TMCO1: variants seen among roughly 807,000 people sequenced by gnomAD.
TMCO1 encodes transmembrane and coiled-coil domains 1.
A neutral mutation model predicts 29.3 loss-of-function variants in TMCO1; 29 were observed. The ratio of observed to expected loss-of-function variants is 0.99; its 90% CI spans 0.74 to 1.35. The LOEUF (loss-of-function observed/expected upper bound fraction) is 1.35, where lower values mean the gene tolerates loss of function less well. Among genes scored for constraint, TMCO1 ranks in the 40% most tolerant of loss-of-function variants. The pLI, the probability that TMCO1 is intolerant of heterozygous loss-of-function variation, is 0.00. For missense variants in TMCO1, 173 were observed against 225.5 expected (o/e 0.77, Z 1.49); for synonymous variants, 80 against 77.1 (o/e 1.04, Z -0.20).
In TMCO1 at chr1:165,727,510, G is replaced by A. The variant is rs762360286; in HGVS notation, c.*513C>T. The A allele has an allele frequency of 4.2e-5, 19 of 452,450 alleles. No homozygotes were observed. The highest frequency in any genetic ancestry group is 2.2e-4 in the South Asian group (14 of 64,366). The allele number at this position is 452,450 out of a possible 1,614,324, so 28.0% of individuals were successfully genotyped here. ...TGCTAAAACTTATATCTAGAAATAC[G>A]GCAAAACAAAATGAAACAGATCTCT... is the stretch of plus-strand genomic sequence containing the variant. On this transcript the variant is annotated 3_prime_UTR_variant, in exon 7 of 7. Transcript: ENST00000367881.
chr1:165,725,473 G>A (rs753382656), downstream of TMCO1: 1 of 454,090 alleles, frequency 2.2e-6, no homozygotes, highest in South Asian at 1.6e-5. Context: ...CAGGTTTACT[G>A]TCATTTTTAA....
chr1:165,736,252 T>C (rs1316101930), intron 6 of TMCO1, among the ~76,000 whole-genome samples: 1 of 152,232 alleles, frequency 6.6e-6, no homozygotes, highest in African/African-American at 2.4e-5. Context: ...TTTGTTATAG[T>C]AGCCCTAATG....
Position 165,731,183 on chromosome 1 carries a change from G to C in TMCO1, c.469-3062C>G, listed in dbSNP as rs543487890. On this transcript the variant is annotated intron_variant, in intron 6 of 6. Transcript: ENST00000367881. ...CAAAGTGCTGGAATTACAGGCATGAGCCACCGTACCTGGCCTGCATTACTT... is the reference window on the plus strand; with the variant it reads ...CAAAGTGCTGGAATTACAGGCATGACCCACCGTACCTGGCCTGCATTACTT... 2.6e-5 allele frequency among the ~76,000 whole-genome samples: 4 copies of C among 152,260 alleles called. No individual in the cohort carries two copies. In the South Asian group the frequency reaches 6.2e-4, roughly 24 times the overall value.
chr1:165,725,008 CTCTCTCTCTCTCTCTCTATA>C (rs1265558614), downstream of TMCO1: 583 of 276,144 alleles, frequency 2.1e-3, 5 homozygotes, highest in African/African-American at 0.02. Context: ...CTCTCTCTCT[CTCTCTCTCTCTCTCTCTATA>C]TATATATATA....
intron 6 of TMCO1, among the ~76,000 whole-genome samples, chr1:165,735,001 G>C (rs939583095): frequency 6.6e-6 from 1 of 152,174 alleles, no homozygotes; most frequent in African/African-American, 2.4e-5. Flanking sequence ...AATTCTGAAA[G>C]ATAAGCACAT....
downstream of TMCO1, chr1:165,725,329 G>A (rs1010753254): frequency 2.9e-5 from 13 of 453,796 alleles, no homozygotes; most frequent in Non-Finnish European, 1.8e-5. Context: ...TTAAGTAACT[G>A]GCCCCATTGG....
intron 6 of TMCO1, among the ~76,000 whole-genome samples, chr1:165,740,294 A>T (rs1204782216): frequency 6.6e-6 from 1 of 151,600 alleles, no homozygotes; most frequent in Non-Finnish European, 1.5e-5. Flanking sequence ...CTCCGCCTCC[A>T]GGTTCACACC....
chr1:165,730,599 G>GT (rs1323221085), intron 6 of TMCO1, among the ~76,000 whole-genome samples: 1 of 152,132 alleles, frequency 6.6e-6, no homozygotes, highest in Non-Finnish European at 1.5e-5. Context: ...ATCAGACTTT[G>GT]TATTTCTTTT....
rs549844361 is a variant in TMCO1, at chr1:165,727,183, T to C, written c.*840A>G. 1.1e-5 allele frequency: 5 copies of C among 453,960 alleles called. No individual in the cohort carries two copies. Among genetic ancestry groups the C allele is most frequent in the African/African-American group, 6.0e-5 (3 of 50,000 alleles). The allele number at this position is 453,960 out of a possible 1,614,324, so 28.1% of individuals were successfully genotyped here. On this transcript the variant is annotated 3_prime_UTR_variant, in exon 7 of 7. Coordinates refer to ENST00000367881, the MANE Select transcript of TMCO1 (RefSeq NM_019026.6). Reference sequence around the variant, plus strand: ...CTGCGAGATTAACAACATATAACTATAACCTTGTCTCCAAGGGAGATCTAA... The same window carrying C: ...CTGCGAGATTAACAACATATAACTACAACCTTGTCTCCAAGGGAGATCTAA...
At chr1:165,726,632 T>A (rs1181498703), downstream of TMCO1, 1 of 455,208 alleles carries the variant, frequency 2.2e-6, no homozygotes, top group South Asian at 1.6e-5. Context: ...CTTGGGATAA[T>A]CCTTAAATTA....
At chr1:165,736,720 CA>C (rs59372599) in intron 6 of TMCO1, among the ~76,000 whole-genome samples, 7 of 122,792 alleles carry the variant, frequency 5.7e-5, no homozygotes, top group East Asian at 2.2e-4. Flanking sequence ...GACTCCATCT[CA>C]AAAAAAAAAA....
rs1291895059 is a variant in TMCO1, at chr1:165,727,998, G to A, written c.*25C>T. 1.9e-6 allele frequency: 3 copies of A among 1,550,068 alleles called. No individual in the cohort carries two copies. Among genetic ancestry groups the A allele is most frequent in the Non-Finnish European group, 2.7e-6 (3 of 1,128,068 alleles). ...TGATGTGTGTGTGTCTAGAAAGAATGATAGAAAATAAAGAGTTCTTGAGTT... is the reference window on the plus strand; with the variant it reads ...TGATGTGTGTGTGTCTAGAAAGAATAATAGAAAATAAAGAGTTCTTGAGTT... On this transcript the variant is annotated 3_prime_UTR_variant, in exon 7 of 7. Transcript: ENST00000367881.
chr1:165,725,020 C>A (rs770201645), downstream of TMCO1: 1,528 of 119,104 alleles, frequency 0.013, 14 homozygotes, highest in East Asian at 0.061. Flanking sequence ...CTCTCTCTCT[C>A]TCTCTATATA....
intron 5 of TMCO1, among the ~76,000 whole-genome samples, chr1:165,749,785 CAA>C (rs1375096624): frequency 6.6e-6 from 1 of 151,022 alleles, no homozygotes; most frequent in Non-Finnish European, 1.5e-5. Flanking sequence ...AAATATTTTC[CAA>C]AAAAAGAGTT....
At chr1:165,766,063 T>A (rs999745582) in intron 2 of TMCO1, among the ~76,000 whole-genome samples, 2 of 152,146 alleles carry the variant, frequency 1.3e-5, no homozygotes, top group African/African-American at 4.8e-5. Flanking sequence ...CCTTTACTGG[T>A]TTGGGGTGTT....
downstream of TMCO1, chr1:165,725,704 G>A (rs749435369): frequency 5.5e-5 from 25 of 453,980 alleles, no homozygotes; most frequent in Middle Eastern, 6.8e-4. Context: ...AACTAGTCTT[G>A]AAATTTCTTC....
chr1:165,759,568 T>C lies in TMCO1; in HGVS notation c.165A>G (p.Glu55=). 1 of 1,612,928 alleles carries C rather than the reference T, an allele frequency of 6.2e-7. No homozygotes were observed. Among genetic ancestry groups the C allele is most frequent in the Non-Finnish European group, 8.5e-7 (1 of 1,179,268 alleles). The change falls in exon 3 of 7, where the codon GAA becomes GAG. Residue 55 remains glutamate (E), a synonymous_variant. Transcript: ENST00000367881. ...KQSKKLEKKK[E]TITESAGRQQ... Reference sequence around the variant, plus strand: ...GTCGACCAGCTGACTCTGTTATTGTTTCCTTCTTCTTTTCCACTGTAAACA... The same window carrying C: ...GTCGACCAGCTGACTCTGTTATTGTCTCCTTCTTCTTTTCCACTGTAAACA...
chr1:165,724,343 C>T (rs1367853626), downstream of TMCO1: 7 of 453,372 alleles, frequency 1.5e-5, 1 homozygote, highest in Admixed American at 9.4e-5. Context: ...AAAAGCTGCT[C>T]GCATTACAGA....
chr1:165,759,481 T>C, intron 3 of TMCO1, 44 bp downstream of exon 3: 1 of 1,429,052 alleles, frequency 7.0e-7, no homozygotes. Context: ...AATTAATTTT[T>C]TTAAGAAAAC....
Sources: allele counts gnomAD v4.1 joint callset (sites outside exome capture counted in the v4.1 genomes callset), GRCh38; gene constraint gnomAD v4.1.1; transcripts MANE v1.5; gene names NCBI Gene and HGNC (gene_info 2026-07-23, HGNC 2026-07-21).